Variants in GLP2R observed in about 807,000 individuals in gnomAD.
GLP2R encodes glucagon like peptide 2 receptor, also known as glucagon-like peptide 2 receptor.
Under a neutral mutation model 68.2 loss-of-function variants are expected in GLP2R, and 59 were observed. The ratio of observed to expected loss-of-function variants is 0.87; its 90% CI spans 0.70 to 1.07. GLP2R has a LOEUF of 1.07. GLP2R is among the 50% of genes least tolerant of loss of function. The probability of loss-of-function intolerance (pLI) is 0.00; values close to 1 mark genes in which losing one functional copy is unlikely to be tolerated. For missense variants in GLP2R, 548 were observed against 677.4 expected (o/e 0.81, Z 2.12); for synonymous variants, 270 against 265.4 (o/e 1.02, Z -0.17).
intron 4 of GLP2R, among the ~76,000 whole-genome samples, chr17:9,843,456 T>C (rs1323110630): frequency 1.3e-5 from 2 of 152,224 alleles, no homozygotes; most frequent in Non-Finnish European, 2.9e-5. Context: ...ATCAGTTTCT[T>C]AGGAGAAAAC....
chr17:9,853,931 T>C (rs1290399452), intron 4 of GLP2R, among the ~76,000 whole-genome samples: 2 of 152,214 alleles, frequency 1.3e-5, no homozygotes, highest in East Asian at 1.9e-4. Flanking sequence ...CTCATGAACA[T>C]AGAACAAAAA....
At chr17:9,863,809 T>A (rs1432706183) in intron 9 of GLP2R, among the ~76,000 whole-genome samples, 1 of 152,156 alleles carries the variant, frequency 6.6e-6, no homozygotes, top group Non-Finnish European at 1.5e-5. Flanking sequence ...ATTTCAAGTA[T>A]CTCTTTAAAA....
chr17:9,886,221 G>A (rs1597407404), intron 11 of GLP2R, among the ~76,000 whole-genome samples: 1 of 152,196 alleles, frequency 6.6e-6, no homozygotes. Context: ...ACTCTTCCAA[G>A]AGCCTACTGC....
chr17:9,871,721 CTTTTTTTT>C lies in GLP2R; in HGVS notation c.1145+901_1145+908del, dbSNP rs372099240. 7.5e-4 allele frequency among the ~76,000 whole-genome samples: 77 copies of C among 102,310 alleles called. 1 individual carries two copies. Among genetic ancestry groups the C allele is most frequent in the Non-Finnish European group, 7.4e-4 (40 of 53,772 alleles). The allele number at this position is 102,310 out of a possible 152,430, so 67.1% of individuals were successfully genotyped here. On this transcript the variant is annotated intron_variant, in intron 10 of 12. Transcript: ENST00000262441. ...TTCCTAGTTATTCTTTACTTTCTTTCTTTTTTTTTTTTTTTTTTTTTTGACAGAGTCTT... is the reference window on the plus strand; with the variant it reads ...TTCCTAGTTATTCTTTACTTTCTTTCTTTTTTTTTTTTTTGACAGAGTCTT...
intron 11 of GLP2R, among the ~76,000 whole-genome samples, chr17:9,882,276 C>T (rs993625594): frequency 5.3e-5 from 8 of 152,102 alleles, no homozygotes; most frequent in South Asian, 2.1e-4. Context: ...ATACAGTGGC[C>T]GTCTTGGTGA....
intron 1 of GLP2R, among the ~76,000 whole-genome samples, chr17:9,829,766 G>A (rs2066663857): frequency 1.3e-5 from 2 of 152,108 alleles, no homozygotes; most frequent in African/African-American, 4.8e-5. Flanking sequence ...GGAAGTAGAT[G>A]GTAATTTCTG....
chr17:9,877,897 G>A (rs1018402704), intron 10 of GLP2R, among the ~76,000 whole-genome samples: 12 of 142,904 alleles, frequency 8.4e-5, no homozygotes, highest in East Asian at 4.2e-4. Flanking sequence ...AAAAAAAAAC[G>A]TTAGGGAAAA....
rs559236720 is a variant in GLP2R, at chr17:9,858,071, G to T, written c.765+495G>T. 3.9e-5 allele frequency among the ~76,000 whole-genome samples: 6 copies of T among 152,204 alleles called. No individual in the cohort carries two copies. In the East Asian group the frequency reaches 1.2e-3, roughly 29 times the overall value. ...CATTAAGTATTACAAGCAATCTAGC[G>T]ATGATTTAAAGTATATGAAAGGATG... On this transcript the variant is annotated intron_variant, in intron 6 of 12. Coordinates refer to ENST00000262441, the MANE Select transcript of GLP2R (RefSeq NM_004246.3).
chr17:9,827,723 G>T (rs1453947071), intron 1 of GLP2R, among the ~76,000 whole-genome samples: 1 of 152,168 alleles, frequency 6.6e-6, no homozygotes, highest in East Asian at 1.9e-4. Context: ...AACACTTTGG[G>T]AGGCTGAGGT....
intron 10 of GLP2R, among the ~76,000 whole-genome samples, chr17:9,873,612 T>C (rs1342737602): frequency 1.3e-5 from 2 of 149,908 alleles, no homozygotes; most frequent in African/African-American, 4.9e-5. Context: ...TTAGTTTATT[T>C]TACATGGGGC....
chr17:9,858,550 G>T (rs1021124338), intron 6 of GLP2R, among the ~76,000 whole-genome samples: 2 of 152,294 alleles, frequency 1.3e-5, no homozygotes, highest in South Asian at 4.2e-4. Flanking sequence ...ATGTATTAAA[G>T]ATAAGTATTA....
chr17:9,846,460 A>G (rs1380652074), intron 4 of GLP2R, among the ~76,000 whole-genome samples: 1 of 152,124 alleles, frequency 6.6e-6, no homozygotes, highest in East Asian at 1.9e-4. Context: ...TAAAAAATCA[A>G]TACAAAAATT....
At chr17:9,839,160 G>C (rs1309487846) in intron 3 of GLP2R, among the ~76,000 whole-genome samples, 1 of 152,178 alleles carries the variant, frequency 6.6e-6, no homozygotes, top group African/African-American at 2.4e-5. Flanking sequence ...ATGACATTGA[G>C]AGCATGCAGC....
intron 1 of GLP2R, among the ~76,000 whole-genome samples, chr17:9,829,324 A>T (rs1317615510): frequency 2.8e-5 from 4 of 143,674 alleles, no homozygotes; most frequent in African/African-American, 1.0e-4. Flanking sequence ...AAAATTTTTA[A>T]TTTTTTTTTT....
intron 4 of GLP2R, among the ~76,000 whole-genome samples, chr17:9,851,897 A>T (rs1226023548): frequency 6.6e-6 from 1 of 152,140 alleles, no homozygotes; most frequent in Admixed American, 6.6e-5. Flanking sequence ...TTAAAAAAAA[A>T]ATAACAACAT....
intron 1 of GLP2R, among the ~76,000 whole-genome samples, chr17:9,832,303 A>G (rs118041328): frequency 0.016 from 2,502 of 152,198 alleles, 26 homozygotes; most frequent in Non-Finnish European, 0.025. Flanking sequence ...GGCCCAGTGC[A>G]GTGGTTCATG....
chr17:9,885,133 T>G (rs1176558586), intron 11 of GLP2R, among the ~76,000 whole-genome samples: 1 of 149,524 alleles, frequency 6.7e-6, no homozygotes, highest in Non-Finnish European at 1.5e-5. Flanking sequence ...CTTCATGGCT[T>G]AAAATAGTAA....
intron 6 of GLP2R, among the ~76,000 whole-genome samples, chr17:9,857,940 T>TA (rs1170127256): frequency 6.6e-6 from 1 of 152,248 alleles, no homozygotes; most frequent in Admixed American, 6.5e-5. Context: ...TACCTGGGAA[T>TA]AAAAAGGGTG....
Position 9,880,588 on chromosome 17 carries a change from G to A in GLP2R, c.1284+72G>A, listed in dbSNP as rs28488695. On this transcript the variant is annotated intron_variant, in intron 11 of 12. Transcript: ENST00000262441. ...AATGCATGTGGCCGAAACAGGCTCAGAATTAAGGAGCCCGTGGATGAAAAT... is the reference window on the plus strand; with the variant it reads ...AATGCATGTGGCCGAAACAGGCTCAAAATTAAGGAGCCCGTGGATGAAAAT... The A allele has an allele frequency of 0.012, 11,711 of 994,064 alleles. 895 individuals carry two copies. In the African/African-American group the frequency reaches 0.16, roughly 14 times the overall value. 61.6% of individuals were successfully genotyped at this position (994,064 alleles called of 1,614,324 possible).
Sources: gnomAD v4.1 joint callset for allele counts (sites outside exome capture counted in the v4.1 genomes callset) on GRCh38, gnomAD v4.1.1 for gene constraint, MANE v1.5 for transcripts, NCBI Gene and HGNC (gene_info 2026-07-23, HGNC 2026-07-21) for gene names.